The following CYTH1 variants were observed in gnomAD, a reference collection of about 807,000 sequenced individuals.
CYTH1 encodes cytohesin-1.
In CYTH1, 18 loss-of-function variants were observed where a neutral mutation model predicts 61.8. That is an observed-to-expected ratio of 0.29 (90% CI 0.20 to 0.43). The LOEUF is 0.43. Among genes scored for constraint, CYTH1 ranks in the 20% least tolerant of loss-of-function variants. CYTH1 has a pLI of 1.00. For synonymous variants in CYTH1, 174 were observed against 184.3 expected (o/e 0.94, Z 0.45); for missense variants, 336 against 510.5 (o/e 0.66, Z 3.29).
chr17:78,731,836 G>A lies in CYTH1; in HGVS notation c.23-22104C>T, dbSNP rs140839122. Among the ~76,000 whole-genome samples the A allele has an allele frequency of 5.7e-3, 864 of 151,258 alleles. 4 individuals carry two copies. The highest frequency in any genetic ancestry group is 9.9e-3 in the Non-Finnish European group (674 of 67,838). On this transcript the variant is annotated intron_variant, in intron 1 of 13. Coordinates refer to ENST00000446868, the MANE Select transcript of CYTH1 (RefSeq NM_004762.6). ...AAAACAGAAAGAAAGGCAGAGACAA[G>A]AACACTATAAATCCAGTAAAGTTGC...
At chr17:78,714,072 G>A (rs780235311) in intron 1 of CYTH1, among the ~76,000 whole-genome samples, 1 of 152,070 alleles carries the variant, frequency 6.6e-6, no homozygotes, top group Non-Finnish European at 1.5e-5. Flanking sequence ...GGTGGATCAC[G>A]TGAGGCCAGG....
At chr17:78,763,605 AAAT>A (rs771834561) in intron 1 of CYTH1, among the ~76,000 whole-genome samples, 4 of 146,156 alleles carry the variant, frequency 2.7e-5, no homozygotes, top group Non-Finnish European at 4.6e-5. Flanking sequence ...ACATTATAAT[AAAT>A]AATAAAGAAC....
At chr17:78,777,433 A>AAAATAAATAAATT (rs1265347188) in intron 1 of CYTH1, among the ~76,000 whole-genome samples, 5 of 152,100 alleles carry the variant, frequency 3.3e-5, no homozygotes, top group African/African-American at 1.2e-4. Context: ...TAAATAAATA[A>AAAATAAATAAATT]AAATAAATAA....
rs150265596 is a variant in CYTH1, at chr17:78,685,501, G to GTA, written c.892-4461_892-4460dup. ...TTATTTAGCTATTACTTCTATATGA[G>GTA]TATATTTAGCTATTAGTTCTATACT... is the stretch of plus-strand genomic sequence containing the variant. On this transcript the variant is annotated intron_variant, in intron 11 of 13. Transcript: ENST00000446868. Among the ~76,000 whole-genome samples, 270 of 152,118 alleles carry GTA rather than the reference G, an allele frequency of 1.8e-3. 1 individual carries two copies. Among genetic ancestry groups the GTA allele is most frequent in the African/African-American group, 5.9e-3 (243 of 41,500 alleles).
chr17:78,738,363 C>T (rs2093329365), intron 1 of CYTH1, among the ~76,000 whole-genome samples: 1 of 152,200 alleles, frequency 6.6e-6, no homozygotes, highest in South Asian at 2.1e-4. Context: ...CCATCCTCCG[C>T]ACCCTGCTCT....
chr17:78,736,823 C>T (rs930661130), intron 1 of CYTH1: 15 of 269,514 alleles, frequency 5.6e-5, no homozygotes, highest in Non-Finnish European at 1.1e-4. Context: ...TGGGAGGGGC[C>T]GGGGATACCT....
intron 1 of CYTH1, among the ~76,000 whole-genome samples, chr17:78,725,246 T>C (rs1434129795): frequency 6.6e-6 from 1 of 152,176 alleles, no homozygotes; most frequent in Non-Finnish European, 1.5e-5. Context: ...CCTCCAGCCA[T>C]GCTCCCTGCT....
chr17:78,752,032 G>A (rs993697682), intron 1 of CYTH1, among the ~76,000 whole-genome samples: 3 of 152,124 alleles, frequency 2.0e-5, no homozygotes, highest in East Asian at 3.9e-4. Context: ...CACCGCGCCC[G>A]GCCTCAAATG....
intron 11 of CYTH1, among the ~76,000 whole-genome samples, chr17:78,683,997 G>A (rs867527210): frequency 3.3e-5 from 5 of 152,122 alleles, no homozygotes; most frequent in South Asian, 2.1e-4. Context: ...TGAGGCCTGC[G>A]GCATCCAGGT....
At position 78,746,934 on chromosome 17, in the gene CYTH1, ACT is replaced by A. The variant is rs2093361508; in HGVS notation, c.22+35266_22+35267del. Among the ~76,000 whole-genome samples the A allele has an allele frequency of 2.0e-5, 3 of 151,872 alleles. No homozygotes were observed. The South Asian group carries it at 6.2e-4, about 32-fold the overall frequency. ...ACTCCAGTCTTCGTGACAGAGTCAGACTCTGTCTCAAAAATAATAATAATAAA... is the reference window on the plus strand; with the variant it reads ...ACTCCAGTCTTCGTGACAGAGTCAGACTGTCTCAAAAATAATAATAATAAA... On this transcript the variant is annotated intron_variant, in intron 1 of 13. Transcript: ENST00000446868.
At chr17:78,747,165 A>AG (rs1371073626) in intron 1 of CYTH1, among the ~76,000 whole-genome samples, 2 of 150,680 alleles carry the variant, frequency 1.3e-5, no homozygotes, top group African/African-American at 4.9e-5. Flanking sequence ...AAAAAAAAAA[A>AG]AAAAAGAAAA....
intron 7 of CYTH1, among the ~76,000 whole-genome samples, chr17:78,699,539 A>G (rs921956254): frequency 2.6e-5 from 4 of 152,298 alleles, no homozygotes; most frequent in African/African-American, 4.8e-5. Flanking sequence ...CACTGTAGAA[A>G]CTCTGAAAAA....
At chr17:78,749,622 C>T (rs1383678854) in intron 1 of CYTH1, among the ~76,000 whole-genome samples, 1 of 151,308 alleles carries the variant, frequency 6.6e-6, no homozygotes, top group Non-Finnish European at 1.5e-5. Context: ...AAATTGAGAT[C>T]CCTGTCTCAA....
At chr17:78,767,986 T>C (rs1309923109) in intron 1 of CYTH1, among the ~76,000 whole-genome samples, 4 of 152,196 alleles carry the variant, frequency 2.6e-5, no homozygotes, top group South Asian at 2.1e-4. Context: ...GCAGCTGCTG[T>C]GTACAGAAGC....
chr17:78,768,631 C>T (rs2093458262), intron 1 of CYTH1, among the ~76,000 whole-genome samples: 1 of 152,032 alleles, frequency 6.6e-6, no homozygotes, highest in South Asian at 2.1e-4. Flanking sequence ...TTCACTGGTC[C>T]TGTATTTTTT....
At chr17:78,740,463 T>C (rs2093338033) in intron 1 of CYTH1, among the ~76,000 whole-genome samples, 1 of 152,228 alleles carries the variant, frequency 6.6e-6, no homozygotes, top group Non-Finnish European at 1.5e-5. Context: ...GCTCGTTTAA[T>C]AGCCATCATC....
chr17:78,745,728 C>T (rs1195910437), intron 1 of CYTH1, among the ~76,000 whole-genome samples: 2 of 152,012 alleles, frequency 1.3e-5, no homozygotes. Flanking sequence ...CCCGTCTCTA[C>T]TGAAAATACA....
At chr17:78,685,392 G>C (rs1432355596) in intron 11 of CYTH1, among the ~76,000 whole-genome samples, 1 of 151,784 alleles carries the variant, frequency 6.6e-6, no homozygotes, top group Non-Finnish European at 1.5e-5. Flanking sequence ...TAACATTCAT[G>C]GTACGTCCTG....
intron 10 of CYTH1, 38 bp downstream of exon 10, chr17:78,695,969 G>GC: frequency 2.2e-6 from 3 of 1,367,660 alleles, no homozygotes; most frequent in African/African-American, 1.5e-5. Context: ...AATGACAGTG[G>GC]CCTAGCAGAG....
Sources: gnomAD v4.1 joint callset for allele counts (sites outside exome capture counted in the v4.1 genomes callset) on GRCh38, gnomAD v4.1.1 for gene constraint, MANE v1.5 for transcripts, NCBI Gene and HGNC (gene_info 2026-07-23, HGNC 2026-07-21) for gene names.